DNAL1: variants seen among roughly 807,000 people sequenced by gnomAD.
DNAL1 encodes chromosome 14 open reading frame 168.
DNAL1 carries 17 observed loss-of-function variants against 29.4 expected under a neutral mutation model. The observed-to-expected ratio is 0.58, with a 90% confidence interval of 0.40 to 0.87. The LOEUF is 0.87. Among genes scored for constraint, DNAL1 ranks in the 40% least tolerant of loss-of-function variants. DNAL1 has a pLI of 0.00. For synonymous variants in DNAL1, 78 were observed against 76.3 expected, an observed-to-expected ratio of 1.02 and a Z score of -0.12; for missense variants, 188 against 214.1, an observed-to-expected ratio of 0.88 and a Z score of 0.76.
intron 1 of DNAL1, among the ~76,000 whole-genome samples, chr14:73,654,546 C>G (rs1415542677): frequency 1.3e-5 from 2 of 152,068 alleles, no homozygotes; most frequent in Non-Finnish European, 2.9e-5. Flanking sequence ...ATCATGAGGT[C>G]AAGGAGTTCG....
chr14:73,678,757 A>G (rs1891804787), intron 5 of DNAL1, among the ~76,000 whole-genome samples: 1 of 152,146 alleles, frequency 6.6e-6, no homozygotes, highest in African/African-American at 2.4e-5. Flanking sequence ...CAACAATCTA[A>G]GTGTCTATCA....
intron 5 of DNAL1, among the ~76,000 whole-genome samples, chr14:73,682,887 T>A (rs1891924700): frequency 7.1e-6 from 1 of 141,248 alleles, no homozygotes; most frequent in South Asian, 2.3e-4. Flanking sequence ...TTTTTTTTTT[T>A]TTTTTTTAGT....
chr14:73,687,492 A>G, intron 6 of DNAL1, 107 bp downstream of exon 6: 1 of 1,290,184 alleles, frequency 7.8e-7, no homozygotes, highest in Non-Finnish European at 1.0e-6. Context: ...GCACAGAGAG[A>G]AAGTGGAAAC....
At position 73,659,081 on chromosome 14, in the gene DNAL1, TTCTC is replaced by T. The variant is rs1221372800; in HGVS notation, c.152+129_152+132del. On this transcript the variant is annotated intron_variant, in intron 3 of 7. Transcript: ENST00000553645. Reference sequence around the variant, plus strand: ...TTTATTTTTTGTTTGCTTAGTGTAATTCTCTCTTTGGCAAGGTCAAACATGAAAA... The same window carrying T: ...TTTATTTTTTGTTTGCTTAGTGTAATTCTTTGGCAAGGTCAAACATGAAAA... 108 of 663,426 alleles carry T rather than the reference TTCTC, an allele frequency of 1.6e-4. 2 individuals are homozygous for T. The East Asian group carries it at 2.9e-3, about 18-fold the overall frequency. 41.1% of individuals were successfully genotyped at this position (663,426 alleles called of 1,614,324 possible).
intron 2 of DNAL1, among the ~76,000 whole-genome samples, chr14:73,655,430 C>T (rs1370506803): frequency 3.3e-5 from 5 of 151,152 alleles, no homozygotes; most frequent in South Asian, 2.1e-4. Flanking sequence ...CTGCAACCTC[C>T]GCCTCCCGGG....
At chr14:73,682,402 T>C (rs1891910878) in intron 5 of DNAL1, among the ~76,000 whole-genome samples, 1 of 147,734 alleles carries the variant, frequency 6.8e-6, no homozygotes, top group South Asian at 2.1e-4. Flanking sequence ...TTGGCTAGGC[T>C]AGTCTCGAAC....
Position 73,702,124 on chromosome 14 carries a change from TGAAA to T in DNAL1, c.*6185_*6188del, listed in dbSNP as rs911470604. ...GTGTGTGCACGTGCATGAGAGAGAG[TGAAA>T]GAGAGAGGTGTTTTTTGTTTTGTTT... On this transcript the variant is annotated 3_prime_UTR_variant, in exon 8 of 8. Coordinates refer to ENST00000553645, the MANE Select transcript of DNAL1 (RefSeq NM_031427.4). 8 of 147,470 alleles carry T rather than the reference TGAAA, an allele frequency of 5.4e-5. No individual in the cohort carries two copies. Among genetic ancestry groups the T allele is most frequent in the African/African-American group, 2.0e-4 (8 of 39,856 alleles). 9.1% of individuals were successfully genotyped at this position (147,470 alleles called of 1,614,324 possible). A position where few individuals can be genotyped will look rare whatever the true frequency, so the allele number is the denominator to read the frequency against.
At position 73,697,799 on chromosome 14, in the gene DNAL1, C is replaced by G. The variant is rs921397561; in HGVS notation, c.*1857C>G. Reference sequence around the variant, plus strand: ...CTTGGTCTAACACCCTTTTAGTTTTCTTTTCTCTCTTCTTTTCAATCTGAT... The same window carrying G: ...CTTGGTCTAACACCCTTTTAGTTTTGTTTTCTCTCTTCTTTTCAATCTGAT... On this transcript the variant is annotated 3_prime_UTR_variant, in exon 8 of 8. Transcript: ENST00000553645. 7.0e-6 allele frequency: 1 copy of G among 142,780 alleles called. No individual in the cohort carries two copies. The highest frequency in any genetic ancestry group is 1.5e-5 in the Non-Finnish European group (1 of 65,454). 8.8% of individuals were successfully genotyped at this position (142,780 alleles called of 1,614,324 possible). A position where few individuals can be genotyped will look rare whatever the true frequency, so the allele number is the denominator to read the frequency against.
chr14:73,664,042 A>G (rs1479262013), intron 4 of DNAL1, among the ~76,000 whole-genome samples: 2 of 152,152 alleles, frequency 1.3e-5, no homozygotes, highest in Non-Finnish European at 2.9e-5. Context: ...CAGGGAGACT[A>G]CTGTGTACAT....
In DNAL1 at chr14:73,681,417, G is replaced by C. The variant is rs1185311715; in HGVS notation, c.265-5842G>C. Among the ~76,000 whole-genome samples, 8 of 150,756 alleles carry C rather than the reference G, an allele frequency of 5.3e-5. No individual in the cohort carries two copies. The East Asian group carries it at 1.4e-3, about 26-fold the overall frequency. ...CCCAAAGTGCTGGGATTACAGGCATGAGCCACCGCACCCGGTGATTTTATA... is the reference window on the plus strand; with the variant it reads ...CCCAAAGTGCTGGGATTACAGGCATCAGCCACCGCACCCGGTGATTTTATA... On this transcript the variant is annotated intron_variant, in intron 5 of 7. Coordinates refer to ENST00000553645, the MANE Select transcript of DNAL1 (RefSeq NM_031427.4).
intron 1 of DNAL1, among the ~76,000 whole-genome samples, chr14:73,650,326 A>G (rs925811864): frequency 2.2e-4 from 33 of 151,718 alleles, no homozygotes; most frequent in African/African-American, 6.8e-4. Flanking sequence ...TATTGTTGTT[A>G]TTGTTACTTT....
chr14:73,684,253 C>T (rs1434641584), intron 5 of DNAL1, among the ~76,000 whole-genome samples: 1 of 152,128 alleles, frequency 6.6e-6, no homozygotes, highest in African/African-American at 2.4e-5. Context: ...CTGCAGTAAA[C>T]ATGGGAGTGC....
chr14:73,662,009 T>G lies in DNAL1; in HGVS notation c.175T>G (p.Cys59Gly). ...AAGGAAGCTTTCACTGTCTACAAAC[T>G]GCATTGAAAAAATTGCCAACCTGAA... Reference protein sequence around the residue: ...NCEKLSLSTNCIEKIANLNGL... With the variant: ...NCEKLSLSTNGIEKIANLNGL... The change falls in exon 4 of 8, where the codon TGC becomes GGC. Residue 59 changes from cysteine (C) to glycine (G), a missense_variant. By Grantham distance (159) the Cys-to-Gly change is radical. Transcript: ENST00000553645. The G allele has an allele frequency of 6.4e-7, 1 of 1,560,438 alleles. No individual in the cohort carries two copies. The highest frequency in any genetic ancestry group is 8.7e-7 in the Non-Finnish European group (1 of 1,151,192).
At chr14:73,671,409 TAACAC>T in intron 4 of DNAL1, 128 bp from the exon 5 acceptor site, 2 of 1,020,408 alleles carry the variant, frequency 2.0e-6, no homozygotes, top group Non-Finnish European at 2.5e-6. Flanking sequence ...CCATTTTTGT[TAACAC>T]AACCTTTCTT....
At chr14:73,695,048 C>CTTTTTTTTTTTTTTTTT (rs71112798) in intron 7 of DNAL1, among the ~76,000 whole-genome samples, 1 of 60,872 alleles carries the variant, frequency 1.6e-5, no homozygotes, top group Non-Finnish European at 2.8e-5. Flanking sequence ...TACTTGTTGG[C>CTTTTTTTTTTTTTTTTT]TTTTTTTTTT....
intron 5 of DNAL1, among the ~76,000 whole-genome samples, chr14:73,685,708 C>T (rs567237910): frequency 3.3e-5 from 5 of 152,080 alleles, no homozygotes; most frequent in Admixed American, 1.3e-4. Context: ...GTGAGCCGCC[C>T]GCCTTGGCTT....
At chr14:73,689,666 G>A in intron 7 of DNAL1, 151 bp downstream of exon 7, 9 of 1,172,350 alleles carry the variant, frequency 7.7e-6, no homozygotes, top group South Asian at 4.1e-5. Context: ...GTCTAGGTTT[G>A]AGCCAAGGTG....
rs1891370682 is a variant in DNAL1, at chr14:73,662,081, T to C, written c.208+39T>C. On this transcript the variant is annotated intron_variant, in intron 4 of 7. Transcript: ENST00000553645. The stretch of plus-strand genomic sequence containing the variant: ...AGTAACAGATGGTTCATGGATTTCC[T>C]AGTTATTTTAATAAACATTCCGGAG... 6.7e-6 allele frequency: 10 copies of C among 1,493,762 alleles called. No homozygotes were observed. The East Asian group carries it at 2.2e-4, about 33-fold the overall frequency. The allele number at this position is 1,493,762 out of a possible 1,614,324, so 92.5% of individuals were successfully genotyped here.
chr14:73,653,134 G>T (rs778916677), intron 1 of DNAL1: 2 of 152,170 alleles, frequency 1.3e-5, no homozygotes, highest in Non-Finnish European at 2.9e-5. Context: ...GCAAATAAAG[G>T]ATTCAAACTC....
Sources: gnomAD v4.1 joint callset for allele counts (sites outside exome capture counted in the v4.1 genomes callset) on GRCh38, gnomAD v4.1.1 for gene constraint, MANE v1.5 for transcripts, NCBI Gene and HGNC (gene_info 2026-07-23, HGNC 2026-07-21) for gene names.